REPS2: variants seen among roughly 807,000 people sequenced by gnomAD.
REPS2 encodes the protein ralBP1-associated Eps domain-containing protein 2.
In REPS2, 23 loss-of-function variants were observed where a neutral mutation model predicts 53.6. The observed-to-expected ratio is 0.43, with a 90% confidence interval of 0.31 to 0.61. The LOEUF (loss-of-function observed/expected upper bound fraction) is 0.61. REPS2 is among the 20% of genes least tolerant of loss of function. The probability of loss-of-function intolerance (pLI) is 0.11; values close to 1 mark genes in which losing one functional copy is unlikely to be tolerated. For synonymous variants in REPS2, 238 were observed against 218.6 expected (o/e 1.09, Z -0.78); for missense variants, 446 against 534.9 (o/e 0.83, Z 1.64).
intron 1 of REPS2, among the ~76,000 whole-genome samples, chrX:16,966,220 T>C (rs1469546345): frequency 8.9e-6 from 1 of 112,234 alleles, no homozygotes; most frequent in Non-Finnish European, 1.9e-5. Context: ...AAAATGAGTA[T>C]TGATTTAATT....
intron 1 of REPS2, among the ~76,000 whole-genome samples, chrX:16,995,742 C>A (rs1276230135): frequency 9.0e-6 from 1 of 111,723 alleles, no homozygotes; most frequent in Non-Finnish European, 1.9e-5. Flanking sequence ...ATTCTGGCAA[C>A]CTTACTCTGA....
At chrX:17,145,082 C>T (rs1321743507) in intron 17 of REPS2, among the ~76,000 whole-genome samples, 1 of 112,016 alleles carries the variant, frequency 8.9e-6, no homozygotes, top group Non-Finnish European at 1.9e-5. Context: ...AGTCATTTAC[C>T]ATTCACCAGT....
chrX:17,143,040 T>C (rs1454860042), intron 17 of REPS2, among the ~76,000 whole-genome samples: 1 of 112,397 alleles, frequency 8.9e-6, no homozygotes, highest in East Asian at 2.8e-4. Flanking sequence ...TCAGACATTA[T>C]GCAGAGTGAG....
At chrX:17,146,227 T>G (rs754386163) in intron 17 of REPS2, among the ~76,000 whole-genome samples, 1 of 111,303 alleles carries the variant, frequency 9.0e-6, no homozygotes, top group South Asian at 3.9e-4. Flanking sequence ...ATCTCTGACT[T>G]CATTTCCTGC....
At chrX:17,058,582 C>T (rs2062108092) in intron 8 of REPS2, among the ~76,000 whole-genome samples, 1 of 111,436 alleles carries the variant, frequency 9.0e-6, no homozygotes, top group African/African-American at 3.3e-5. Context: ...TTTTGACCTG[C>T]TTATTCAGTA....
At chrX:17,053,798 C>T (rs190383078) in intron 7 of REPS2, among the ~76,000 whole-genome samples, 3 of 112,106 alleles carry the variant, frequency 2.7e-5, no homozygotes, top group Non-Finnish European at 3.8e-5. Flanking sequence ...GGTATTCTTT[C>T]GATCTGGCGT....
intron 1 of REPS2, among the ~76,000 whole-genome samples, chrX:16,961,674 A>G (rs1231554011): frequency 8.9e-6 from 1 of 112,207 alleles, no homozygotes; most frequent in African/African-American, 3.2e-5. Context: ...CTTCTGCATG[A>G]CAAAGGGAAC....
chrX:17,044,623 G>C (rs1440842257), intron 5 of REPS2: 1 of 111,815 alleles, frequency 8.9e-6, no homozygotes, highest in East Asian at 2.8e-4. Context: ...TTGGCTCATA[G>C]GTGTCTGTTC....
rs1258561221 is a variant in REPS2 at position 17,052,723 on chromosome X, C to A, written c.971+278C>A. On this transcript the variant is annotated intron_variant, in intron 7 of 17. Coordinates refer to ENST00000357277, the MANE Select transcript of REPS2 (RefSeq NM_004726.3). The stretch of plus-strand genomic sequence containing the variant: ...CATCTCAATCCCTTTTCAGTCTAGG[C>A]AGTTGTGGGCACATGAGACTTACCA... Among the ~76,000 whole-genome samples the A allele has an allele frequency of 3.6e-5, 4 of 112,297 alleles. No individual in the cohort carries two copies. In the East Asian group the frequency reaches 1.1e-3, roughly 31 times the overall value.
chrX:17,119,676 G>A (rs2063112903), intron 14 of REPS2, among the ~76,000 whole-genome samples: 1 of 110,770 alleles, frequency 9.0e-6, no homozygotes. Flanking sequence ...GTCATTTTCT[G>A]TGTGTCTCAT....
Position 17,152,593 on chromosome X carries a change from A to T in REPS2, c.*5112A>T, listed in dbSNP as rs2063579687. 8.9e-6 allele frequency: 1 copy of T among 112,460 alleles called. No homozygotes were observed. The highest frequency in any genetic ancestry group is 3.2e-5 in the African/African-American group (1 of 30,905). 9.3% of individuals were successfully genotyped at this position (112,460 alleles called of 1,213,427 possible). A position where few individuals can be genotyped will look rare whatever the true frequency, so the allele number is the denominator to read the frequency against. ...ACCTTCAGATACCAGTTCCATCCTG[A>T]AGCCCTCTGTTGAACAACAGGGCCA... is the stretch of plus-strand genomic sequence containing the variant. On this transcript the variant is annotated 3_prime_UTR_variant, in exon 18 of 18. Coordinates refer to ENST00000357277, the MANE Select transcript of REPS2 (RefSeq NM_004726.3).
the REPS2 span, among the ~76,000 whole-genome samples, chrX:17,169,203 G>A: frequency 8.9e-6 from 1 of 112,331 alleles, no homozygotes; most frequent in Admixed American, 9.4e-5. Context: ...GTGACTTGAA[G>A]AACCGTGTAG....
chrX:17,028,502 G>T (rs368908184), intron 4 of REPS2, among the ~76,000 whole-genome samples: 36 of 112,014 alleles, frequency 3.2e-4, no homozygotes, highest in African/African-American at 1.1e-3. Flanking sequence ...TACTTGATGG[G>T]TTGCCAGGCA....
At chrX:17,184,566 C>A in the REPS2 span, among the ~76,000 whole-genome samples, 16 of 107,927 alleles carry the variant, frequency 1.5e-4, no homozygotes, top group African/African-American at 5.1e-4. Flanking sequence ...GCTGGGTCAA[C>A]TGGTATTTCT....
chrX:17,028,267 CCA>C (rs1162902241), intron 4 of REPS2, among the ~76,000 whole-genome samples: 1 of 111,808 alleles, frequency 8.9e-6, no homozygotes, highest in Non-Finnish European at 1.9e-5. Context: ...CCCAACCATG[CCA>C]CAGTTCACTG....
rs776138422 is a variant in REPS2 at position 17,140,570 on chromosome X, CT to C, written c.1914+1611del. On this transcript the variant is annotated intron_variant, in intron 17 of 17. Transcript: ENST00000357277. ...TTAATCACATATCTACCCATTTATC[CT>C]TGTGTCCATCAGTTCATCTTATTTT... Among the ~76,000 whole-genome samples the C allele has an allele frequency of 4.6e-4, 51 of 110,408 alleles. No individual in the cohort carries two copies. The East Asian group carries it at 0.013, about 28-fold the overall frequency.
Position 17,098,610 on chromosome X carries a change from TTGTG to T in REPS2, c.1517-5088_1517-5085del, listed in dbSNP as rs369203546. 4.4e-3 allele frequency among the ~76,000 whole-genome samples: 456 copies of T among 103,242 alleles called. 2 individuals are homozygous for T. Among genetic ancestry groups the T allele is most frequent in the African/African-American group, 0.016 (444 of 28,429 alleles). The allele number at this position is 103,242 out of a possible 115,157, so 89.7% of individuals were successfully genotyped here. On this transcript the variant is annotated intron_variant, in intron 13 of 17. Transcript: ENST00000357277. Reference sequence around the variant, plus strand: ...TCTTAGGATTTGTTAAAAAATGGTTTTGTGTGTGTGTGTGTGTGTGTGTTTTAAA... The same window carrying T: ...TCTTAGGATTTGTTAAAAAATGGTTTTGTGTGTGTGTGTGTGTGTTTTAAA...
intron 1 of REPS2, among the ~76,000 whole-genome samples, chrX:16,953,096 AACAAACACACACAC>A (rs1207820152): frequency 5.6e-5 from 5 of 89,839 alleles, no homozygotes; most frequent in East Asian, 7.3e-4. Flanking sequence ...CAAACCAAAA[AACAAACACACACAC>A]ACACACACAC....
the REPS2 span, among the ~76,000 whole-genome samples, chrX:17,193,836 G>T: frequency 2.7e-5 from 3 of 111,391 alleles, no homozygotes; most frequent in African/African-American, 9.8e-5. Flanking sequence ...CTATTTATTT[G>T]GTTCGTCAAT....
Sources: allele counts gnomAD v4.1 joint callset (sites outside exome capture counted in the v4.1 genomes callset), GRCh38; gene constraint gnomAD v4.1.1; transcripts MANE v1.5; gene names NCBI Gene and HGNC (gene_info 2026-07-23, HGNC 2026-07-21).